FBLIM1: variants seen among roughly 807,000 people sequenced by gnomAD.
FBLIM1 encodes the protein filamin binding LIM protein 1.
Under a neutral mutation model 37.4 loss-of-function variants are expected in FBLIM1, and 29 were observed. The ratio of observed to expected loss-of-function variants is 0.77; its 90% CI spans 0.58 to 1.06. The LOEUF (loss-of-function observed/expected upper bound fraction) is 1.06. Ranked by LOEUF, FBLIM1 falls within the 50% of genes least tolerant of loss-of-function variation. FBLIM1 has a pLI of 0.00. For synonymous variants in FBLIM1, 193 were observed against 199.0 expected (o/e 0.97, Z 0.25); for missense variants, 449 against 505.6 (o/e 0.89, Z 1.07).
rs1156672293 is a variant in FBLIM1, at chr1:15,770,431, G to C, written c.564G>C (p.Lys188Asn). 1 of 1,613,432 alleles carries C rather than the reference G, an allele frequency of 6.2e-7. No individual in the cohort carries two copies. The highest frequency in any genetic ancestry group is 8.5e-7 in the Non-Finnish European group (1 of 1,179,924). Residue 188 changes from lysine to asparagine, a missense_variant, in exon 6 of 9, where the codon AAG (lysine) becomes AAC (asparagine). Physicochemically the swap from Lys to Asn is moderately conservative, Grantham distance 94. Coordinates refer to ENST00000375766, the MANE Select transcript of FBLIM1 (RefSeq NM_017556.4). ...ASTDICAFCH[K>N]TVSPRELAVE... ...CAGACATCTGTGCCTTCTGCCACAA[G>C]ACCGTGTCCCCCCGAGAGCTGGCTG... is the stretch of plus-strand genomic sequence containing the variant.
chr1:15,767,785 G>C (rs941741586), intron 4 of FBLIM1, among the ~76,000 whole-genome samples: 1 of 152,130 alleles, frequency 6.6e-6, no homozygotes, highest in Non-Finnish European at 1.5e-5. Flanking sequence ...CCACTGCCTC[G>C]CTGCTGCACC....
In FBLIM1 at chr1:15,777,321, A is replaced by C. The variant is rs150990423; in HGVS notation, c.1008+34A>C. 1.6e-3 allele frequency: 2,415 copies of C among 1,519,696 alleles called. 35 individuals are homozygous for C. In the African/African-American group the frequency reaches 0.028, roughly 18 times the overall value. The allele number at this position is 1,519,696 out of a possible 1,614,324, so 94.1% of individuals were successfully genotyped here. A position where few individuals can be genotyped will look rare whatever the true frequency, so the allele number is the denominator to read the frequency against. On this transcript the variant is annotated intron_variant, in intron 8 of 8. Transcript: ENST00000375766. ...AGCCTAGGTGGTTTAATAACATTCC[A>C]TTGCTGCGTGCCAGGCCCTTAGCTG...
At chr1:15,759,618 C>T (rs760131745) in intron 1 of FBLIM1, among the ~76,000 whole-genome samples, 19 of 152,220 alleles carry the variant, frequency 1.2e-4, no homozygotes, top group South Asian at 4.1e-4. Flanking sequence ...TCTCTTTGCA[C>T]CTTCCAAGGG....
intron 6 of FBLIM1, among the ~76,000 whole-genome samples, chr1:15,771,823 C>G (rs1008427982): frequency 1.3e-5 from 2 of 151,532 alleles, no homozygotes; most frequent in Admixed American, 1.3e-4. Flanking sequence ...AGCTACCACA[C>G]GAGGTCACAC....
intron 8 of FBLIM1, 102 bp from the exon 9 acceptor site, chr1:15,784,446 A>G: frequency 1.2e-6 from 1 of 869,158 alleles, no homozygotes; most frequent in South Asian, 1.6e-5. Context: ...AAGGGCATCC[A>G]CTCATGCAGT....
chr1:15,767,436 T>TCCCCCCCCCCCCCC lies in FBLIM1; in HGVS notation c.314_315insCCCCCCCCCCCCCC (p.Pro110HisfsTer29). The TCCCCCCCCCCCCCC allele has an allele frequency of 8.3e-7, 1 of 1,209,880 alleles. No individual in the cohort carries two copies. The allele number at this position is 1,209,880 out of a possible 1,614,324, so 74.9% of individuals were successfully genotyped here. On this transcript the variant is annotated frameshift_variant, in exon 4 of 9. Coordinates refer to ENST00000375766, the MANE Select transcript of FBLIM1 (RefSeq NM_017556.4). LOFTEE classifies it high-confidence loss of function. ...GACGTGCTTCCTGACCTGGACCTCCTCCCACCCCCTCCACCGCCCCCTCCA... is the reference window on the plus strand; with the variant it reads ...GACGTGCTTCCTGACCTGGACCTCCTCCCCCCCCCCCCCCCCCACCCCCTCCACCGCCCCCTCCA...
At position 15,767,398 on chromosome 1, in the gene FBLIM1, C is replaced by T. The variant is rs139784163; in HGVS notation, c.273C>T (p.Val91=). The T allele has an allele frequency of 8.9e-6, 14 of 1,572,290 alleles. No homozygotes were observed. In the African/African-American group the frequency reaches 1.7e-4, roughly 19 times the overall value. The change falls in exon 4 of 9, where the codon GTC becomes GTT. Residue 91 remains valine, a synonymous_variant. Coordinates refer to ENST00000375766, the MANE Select transcript of FBLIM1 (RefSeq NM_017556.4). The stretch of plus-strand genomic sequence containing the variant: ...CAGGATGCCCACCCCCTCCTCCTGT[C>T]CTGGATGGTGAGGACGTGCTTCCTG... ...FNGGCPPPPP[V]LDGEDVLPDL...
chr1:15,763,413 A>G (rs1204923467), intron 1 of FBLIM1, among the ~76,000 whole-genome samples: 4 of 151,448 alleles, frequency 2.6e-5, no homozygotes. Context: ...TGGGCGGATC[A>G]CGAGGTCAGG....
chr1:15,775,476 A>C (rs2069455590), intron 7 of FBLIM1, among the ~76,000 whole-genome samples: 1 of 151,332 alleles, frequency 6.6e-6, no homozygotes, highest in Admixed American at 6.6e-5. Context: ...TGGAGTTTGC[A>C]GTGAGCCGAG....
intron 6 of FBLIM1, among the ~76,000 whole-genome samples, chr1:15,774,087 T>TG (rs1480537392): frequency 6.6e-6 from 1 of 152,044 alleles, no homozygotes; most frequent in East Asian, 1.9e-4. Flanking sequence ...GAGCTGAGAT[T>TG]GGGGCACTGC....
intron 4 of FBLIM1, 102 bp downstream of exon 4, chr1:15,767,665 T>C (rs1314045253): frequency 7.7e-6 from 4 of 518,238 alleles, no homozygotes; most frequent in African/African-American, 2.0e-5. Context: ...ACCTGGACTT[T>C]GTCTGGTGCA....
chr1:15,766,095 G>A (rs2068905279), intron 3 of FBLIM1, among the ~76,000 whole-genome samples: 1 of 151,812 alleles, frequency 6.6e-6, no homozygotes. Flanking sequence ...TGGAGCCTGA[G>A]AATTTGCATT....
intron 7 of FBLIM1, among the ~76,000 whole-genome samples, chr1:15,776,646 C>CCT (rs2069497867): frequency 6.6e-6 from 1 of 151,520 alleles, no homozygotes; most frequent in Non-Finnish European, 1.5e-5. Flanking sequence ...GGGCGGATCA[C>CCT]GAGGTCAGGA....
chr1:15,762,251 G>A (rs2068704760), intron 1 of FBLIM1, among the ~76,000 whole-genome samples: 1 of 144,732 alleles, frequency 6.9e-6, no homozygotes. Context: ...CACCATTTCT[G>A]GCTAATTTGT....
upstream of FBLIM1, among the ~76,000 whole-genome samples, chr1:15,757,725 C>T (rs2068477827): frequency 1.3e-5 from 2 of 152,198 alleles, no homozygotes; most frequent in Non-Finnish European, 2.9e-5. This position sits in a 1 kb window ranked among gnomAD's most constrained non-coding sequence, Gnocchi z 4.1. Context: ...GCCTCAGCCA[C>T]TGTGGCTTTA....
chr1:15,764,942 C>A, intron 2 of FBLIM1, 22 bp from the exon 3 acceptor site: 1 of 1,582,288 alleles, frequency 6.3e-7, no homozygotes, highest in Non-Finnish European at 8.6e-7. Context: ...CAATCCTGTG[C>A]TGTACCCCAC....
intron 8 of FBLIM1, 77 bp from the exon 9 acceptor site, chr1:15,784,471 G>A: frequency 1.7e-6 from 2 of 1,206,030 alleles, no homozygotes; most frequent in Admixed American, 1.9e-5. Flanking sequence ...TTATTCGGCA[G>A]ATGCCAAGTG....
chr1:15,778,174 A>C (rs183576704), intron 8 of FBLIM1, among the ~76,000 whole-genome samples: 1 of 152,246 alleles, frequency 6.6e-6, no homozygotes, highest in East Asian at 1.9e-4. Flanking sequence ...CCATATAAAA[A>C]AGGAGGGGTT....
intron 7 of FBLIM1, 142 bp downstream of exon 7, chr1:15,774,938 G>T: frequency 6.5e-7 from 1 of 1,541,040 alleles, no homozygotes; most frequent in Non-Finnish European, 8.8e-7. Flanking sequence ...ACAGGGCTGG[G>T]CTGGGCGCGG....
Sources: gnomAD v4.1 joint callset for allele counts (sites outside exome capture counted in the v4.1 genomes callset) on GRCh38, gnomAD v4.1.1 for gene constraint, Gnocchi (gnomAD v3.1) non-coding constraint, MANE v1.5 for transcripts, NCBI Gene and HGNC (gene_info 2026-07-23, HGNC 2026-07-21) for gene names.